Variants in DLG2 observed in about 807,000 individuals in gnomAD.
The protein encoded by DLG2 is discs large MAGUK scaffold protein 2.
Under a neutral mutation model 132.5 loss-of-function variants are expected in DLG2, and 45 were observed. The ratio of observed to expected loss-of-function variants is 0.34; its 90% CI spans 0.27 to 0.44. DLG2 has a LOEUF of 0.44. Ranked by LOEUF, DLG2 falls within the 20% of genes least tolerant of loss-of-function variation. The probability of loss-of-function intolerance (pLI) is 1.00; values close to 1 mark genes in which losing one functional copy is unlikely to be tolerated. For missense variants in DLG2, 1,045 were observed against 1,196.9 expected, an observed-to-expected ratio of 0.87 and a Z score of 1.87; for synonymous variants, 424 against 419.6, an observed-to-expected ratio of 1.01 and a Z score of -0.13.
At chr11:85,060,501 GTA>G (rs560209199) in intron 6 of DLG2, among the ~76,000 whole-genome samples, 266 of 150,512 alleles carry the variant, frequency 1.8e-3, no homozygotes, top group African/African-American at 6.1e-3. Flanking sequence ...ACACGCATAT[GTA>G]TATGTGTGTG....
chr11:85,465,447 C>T (rs1178859540), intron 3 of DLG2, among the ~76,000 whole-genome samples: 1 of 151,946 alleles, frequency 6.6e-6, no homozygotes, highest in African/African-American at 2.4e-5. Context: ...TAATGCTATC[C>T]CTCCCCGCTC....
chr11:85,042,685 G>A (rs1484487136), intron 6 of DLG2, among the ~76,000 whole-genome samples: 2 of 151,888 alleles, frequency 1.3e-5, no homozygotes, highest in East Asian at 3.9e-4. Context: ...AGTAAATAAA[G>A]TTAGTGGATT....
intron 3 of DLG2, among the ~76,000 whole-genome samples, chr11:85,455,087 G>A (rs538258700): frequency 1.3e-5 from 2 of 152,224 alleles, no homozygotes; most frequent in Non-Finnish European, 2.9e-5. Flanking sequence ...GATAGGAATA[G>A]CATTGAATCT....
chr11:85,014,688 A>G (rs2154136919), intron 6 of DLG2, among the ~76,000 whole-genome samples: 1 of 152,266 alleles, frequency 6.6e-6, no homozygotes, highest in Middle Eastern at 3.4e-3. Context: ...AATGATTCAT[A>G]CTTCAAAGCC....
chr11:84,454,485 T>G (rs939491735), intron 7 of DLG2, among the ~76,000 whole-genome samples: 1 of 151,388 alleles, frequency 6.6e-6, no homozygotes, highest in African/African-American at 2.4e-5. Context: ...GCAAGTCCAC[T>G]CCAAAGCATT....
chr11:83,513,897 T>C (rs2095171689), intron 21 of DLG2, among the ~76,000 whole-genome samples: 1 of 152,222 alleles, frequency 6.6e-6, no homozygotes, highest in African/African-American at 2.4e-5. Flanking sequence ...TATCTCTGTT[T>C]TGATACCAGT....
intron 6 of DLG2, among the ~76,000 whole-genome samples, chr11:84,841,507 T>C (rs2080685689): frequency 6.6e-6 from 1 of 152,018 alleles, no homozygotes; most frequent in African/African-American, 2.4e-5. Flanking sequence ...ATAACATCAG[T>C]ATAAATTTCT....
intron 6 of DLG2, among the ~76,000 whole-genome samples, chr11:85,094,032 C>A (rs1488402776): frequency 6.6e-6 from 1 of 152,130 alleles, no homozygotes; most frequent in African/African-American, 2.4e-5. Flanking sequence ...TTCATTAATC[C>A]CTTTCCCAGA....
chr11:83,693,971 T>G (rs1222372111), intron 18 of DLG2, among the ~76,000 whole-genome samples: 1 of 152,168 alleles, frequency 6.6e-6, no homozygotes, highest in African/African-American at 2.4e-5. Flanking sequence ...TGAAGTACAG[T>G]CAGATCTTAT....
chr11:84,541,041 T>C (rs2099367396), intron 6 of DLG2, among the ~76,000 whole-genome samples: 2 of 151,900 alleles, frequency 1.3e-5, no homozygotes, highest in South Asian at 2.1e-4. Context: ...GGACCTGTCA[T>C]GTGGTGGAGG....
At chr11:83,731,429 C>T (rs1402230729) in intron 18 of DLG2, among the ~76,000 whole-genome samples, 1 of 152,140 alleles carries the variant, frequency 6.6e-6, no homozygotes, top group Admixed American at 6.5e-5. Flanking sequence ...AGGATGGTGG[C>T]TTCCAGCTTC....
At chr11:85,459,373 G>T (rs915637899) in intron 3 of DLG2, among the ~76,000 whole-genome samples, 2 of 152,272 alleles carry the variant, frequency 1.3e-5, no homozygotes, top group African/African-American at 4.8e-5. Flanking sequence ...TCTCCATATG[G>T]TGACTGTGGT....
intron 7 of DLG2, among the ~76,000 whole-genome samples, chr11:84,334,266 C>G (rs185154536): frequency 4.6e-5 from 7 of 152,080 alleles, no homozygotes; most frequent in Admixed American, 4.6e-4. Context: ...GAAACTAATG[C>G]TCATCTTTTT....
intron 6 of DLG2, among the ~76,000 whole-genome samples, chr11:84,765,034 C>T (rs1306729883): frequency 1.3e-5 from 2 of 152,032 alleles, no homozygotes; most frequent in Admixed American, 6.6e-5. Flanking sequence ...GCCTTCTTTC[C>T]TAAACTTCCA....
At chr11:83,460,857 T>C (rs995838830) in intron 27 of DLG2, among the ~76,000 whole-genome samples, 9 of 152,232 alleles carry the variant, frequency 5.9e-5, no homozygotes, top group Non-Finnish European at 1.2e-4. Context: ...CGTATCTTGG[T>C]TACTGACAGA....
intron 6 of DLG2, among the ~76,000 whole-genome samples, chr11:84,802,798 T>C (rs1200316455): frequency 6.6e-6 from 1 of 152,094 alleles, no homozygotes; most frequent in African/African-American, 2.4e-5. Context: ...CCTCATCTTT[T>C]CTTTTCTTTC....
chr11:84,958,292 A>T (rs769182575), intron 6 of DLG2, among the ~76,000 whole-genome samples: 1 of 152,180 alleles, frequency 6.6e-6, no homozygotes, highest in Non-Finnish European at 1.5e-5. Flanking sequence ...ACCAAATTCT[A>T]CGGAGAAAGA....
intron 6 of DLG2, among the ~76,000 whole-genome samples, chr11:85,002,210 T>C (rs2058279743): frequency 6.6e-6 from 1 of 152,172 alleles, no homozygotes; most frequent in South Asian, 2.1e-4. Flanking sequence ...TTTGAGAAGC[T>C]ATAATTTCCT....
chr11:84,750,687 A>T (rs2065994070), intron 6 of DLG2, among the ~76,000 whole-genome samples: 1 of 152,162 alleles, frequency 6.6e-6, no homozygotes, highest in African/African-American at 2.4e-5. Context: ...TATTACATGG[A>T]TCAAGGTGTT....
Sources: allele counts gnomAD v4.1 joint callset (sites outside exome capture counted in the v4.1 genomes callset), GRCh38; gene constraint gnomAD v4.1.1; transcripts MANE v1.5; gene names NCBI Gene and HGNC (gene_info 2026-07-23, HGNC 2026-07-21).